Variants in TENM4 observed in about 807,000 individuals in gnomAD.
TENM4 encodes teneurin-4.
TENM4 carries 82 observed loss-of-function variants against 243.3 expected under a neutral mutation model. The ratio of observed to expected loss-of-function variants is 0.34; its 90% CI spans 0.28 to 0.40. TENM4 has a LOEUF of 0.40. Among genes scored for constraint, TENM4 ranks in the 10% least tolerant of loss-of-function variants. The probability of loss-of-function intolerance (pLI) is 1.00; values close to 1 mark genes in which losing one functional copy is unlikely to be tolerated. For synonymous variants in TENM4, 1,412 were observed against 1,456.3 expected (o/e 0.97, Z 0.69); for missense variants, 3,138 against 3,673.3 (o/e 0.85, Z 3.77).
At chr11:79,426,719 G>A (rs1859062217) in intron 1 of TENM4, among the ~76,000 whole-genome samples, 1 of 152,162 alleles carries the variant, frequency 6.6e-6, no homozygotes, top group Admixed American at 6.6e-5. Flanking sequence ...CCAGAAGGAC[G>A]GAGTTACCAT....
intron 6 of TENM4, among the ~76,000 whole-genome samples, chr11:78,976,619 A>T (rs909402490): frequency 8.5e-5 from 13 of 152,190 alleles, no homozygotes; most frequent in Non-Finnish European, 1.9e-4. Flanking sequence ...AATGAGGACC[A>T]AGAGTTCTAG....
Position 79,274,007 on chromosome 11 carries a change from G to C in TENM4, c.-265+23481C>G, listed in dbSNP as rs573763810. ...AATGCTGGCCTCCTCCTCAGCATCT[G>C]CAAGCTTCAGCACTCCTCCACGGCA... On this transcript the variant is annotated intron_variant, in intron 2 of 33. Transcript: ENST00000278550. 2.0e-5 allele frequency among the ~76,000 whole-genome samples: 3 copies of C among 152,346 alleles called. No homozygotes were observed. The South Asian group carries it at 6.2e-4, about 32-fold the overall frequency.
intron 28 of TENM4, among the ~76,000 whole-genome samples, chr11:78,693,033 C>A (rs1279010887): frequency 6.6e-6 from 1 of 152,114 alleles, no homozygotes; most frequent in African/African-American, 2.4e-5. Context: ...GGACAGAGAC[C>A]TTGTCTGTAT....
chr11:79,226,796 A>T (rs1405265330), intron 2 of TENM4, among the ~76,000 whole-genome samples: 3 of 152,154 alleles, frequency 2.0e-5, no homozygotes, highest in Non-Finnish European at 2.9e-5. Flanking sequence ...CTTATAAAAC[A>T]TGATGGTTTT....
At chr11:79,343,498 T>G (rs1457847175) in intron 1 of TENM4, among the ~76,000 whole-genome samples, 4 of 152,158 alleles carry the variant, frequency 2.6e-5, no homozygotes, top group Non-Finnish European at 5.9e-5. Context: ...ACAGTGTTCT[T>G]GTGAGCATTA....
rs1043521906 is a variant in TENM4, at chr11:78,655,231, C to T, written c.*2827G>A. The T allele has an allele frequency of 2.6e-5, 4 of 152,228 alleles. No individual in the cohort carries two copies. Among genetic ancestry groups the T allele is most frequent in the Non-Finnish European group, 5.9e-5 (4 of 68,072 alleles). The allele number at this position is 152,228 out of a possible 1,614,324, so 9.4% of individuals were successfully genotyped here. On this transcript the variant is annotated 3_prime_UTR_variant, in exon 34 of 34. Transcript: ENST00000278550. ...AAGGCCAGAAGCACCACCTTCAATA[C>T]AACAGCACCAATGTGGCAGTGAGGC...
rs146908587 is a variant in TENM4 at position 79,029,510 on chromosome 11, T to C, written c.493+35228A>G. Among the ~76,000 whole-genome samples, 12 of 152,352 alleles carry C rather than the reference T, an allele frequency of 7.9e-5. No homozygotes were observed. The East Asian group carries it at 1.7e-3, about 22-fold the overall frequency. On this transcript the variant is annotated intron_variant, in intron 6 of 33. Transcript: ENST00000278550. ...TCCATGTTCTCTACTTTCTGAATCA[T>C]TAAATCATTCTCGTCCAAATACAGC...
chr11:78,819,875 G>A (rs772733475), intron 12 of TENM4, among the ~76,000 whole-genome samples: 23 of 152,132 alleles, frequency 1.5e-4, no homozygotes, highest in Non-Finnish European at 2.9e-4. Context: ...AAGTACCAAG[G>A]TATACCCATT....
At chr11:78,828,053 C>G (rs1857897336) in intron 12 of TENM4, among the ~76,000 whole-genome samples, 1 of 152,184 alleles carries the variant, frequency 6.6e-6, no homozygotes, top group African/African-American at 2.4e-5. Context: ...TCTGGAGTAG[C>G]TGGGCAGTCA....
intron 1 of TENM4, among the ~76,000 whole-genome samples, chr11:79,342,296 C>T (rs926565844): frequency 1.1e-4 from 17 of 152,146 alleles, no homozygotes; most frequent in African/African-American, 3.6e-4. Context: ...ACTGCATGGA[C>T]CGCGATGAGA....
chr11:79,330,115 ACT>A (rs1228345748), intron 1 of TENM4, among the ~76,000 whole-genome samples: 2 of 152,078 alleles, frequency 1.3e-5, no homozygotes, highest in Non-Finnish European at 2.9e-5. Context: ...TGGTATAAAC[ACT>A]CTTACTGTGG....
At chr11:78,805,541 G>A (rs2136086031) in intron 14 of TENM4, 49 bp from the exon 15 acceptor site, 1 of 1,542,766 alleles carries the variant, frequency 6.5e-7, no homozygotes, top group Non-Finnish European at 8.7e-7. Flanking sequence ...ACCAGCAAAG[G>A]TGAGGCTTCT....
At chr11:78,906,202 T>C (rs746926671) in intron 6 of TENM4, among the ~76,000 whole-genome samples, 2 of 152,248 alleles carry the variant, frequency 1.3e-5, no homozygotes, top group Admixed American at 6.5e-5. Flanking sequence ...TTAACGTTTC[T>C]AATGCTCACA....
intron 1 of TENM4, among the ~76,000 whole-genome samples, chr11:79,347,675 A>G (rs1107992): frequency 0.21 from 31,596 of 151,358 alleles, 4,083 homozygotes; most frequent in East Asian, 0.32. Flanking sequence ...TGCTTCCTTC[A>G]GCCTCCATTT....
intron 4 of TENM4, among the ~76,000 whole-genome samples, chr11:79,145,512 CT>C (rs1339851427): frequency 6.6e-6 from 1 of 152,086 alleles, no homozygotes; most frequent in African/African-American, 2.4e-5. Context: ...CTGCTTCTTT[CT>C]TTCACCTTCA....
At chr11:79,376,828 A>G (rs1042979317) in intron 1 of TENM4, among the ~76,000 whole-genome samples, 1 of 152,102 alleles carries the variant, frequency 6.6e-6, no homozygotes, top group Non-Finnish European at 1.5e-5. Context: ...GTACTCTCAG[A>G]ATCTCAGGAT....
At chr11:79,013,962 CT>C (rs775965112) in intron 6 of TENM4, among the ~76,000 whole-genome samples, 2 of 152,126 alleles carry the variant, frequency 1.3e-5, no homozygotes, top group African/African-American at 2.4e-5. Context: ...CGATTTGCCC[CT>C]CTTCTTACTT....
intron 2 of TENM4, among the ~76,000 whole-genome samples, chr11:79,259,236 T>C (rs1855750105): frequency 6.6e-6 from 1 of 152,180 alleles, no homozygotes; most frequent in Admixed American, 6.5e-5. Context: ...ATACAGAATG[T>C]AAAGTGTAAA....
intron 6 of TENM4, among the ~76,000 whole-genome samples, chr11:79,052,721 T>C (rs1188482135): frequency 6.6e-6 from 1 of 152,206 alleles, no homozygotes; most frequent in Non-Finnish European, 1.5e-5. Flanking sequence ...CGCCATCTGC[T>C]GGCCTCTCAG....
Sources: gnomAD v4.1 joint callset for allele counts (sites outside exome capture counted in the v4.1 genomes callset) on GRCh38, gnomAD v4.1.1 for gene constraint, MANE v1.5 for transcripts, NCBI Gene and HGNC (gene_info 2026-07-23, HGNC 2026-07-21) for gene names.